The following GALNT13 variants were observed in gnomAD, a reference collection of about 807,000 sequenced individuals.
GALNT13 encodes polypeptide N-acetylgalactosaminyltransferase 13.
Under a neutral mutation model 64.2 loss-of-function variants are expected in GALNT13, and 28 were observed. That is an observed-to-expected ratio of 0.44 (90% CI 0.32 to 0.60). GALNT13 has a LOEUF of 0.60. GALNT13 is among the 20% of genes least tolerant of loss of function. The probability of loss-of-function intolerance (pLI) is 0.05; values close to 1 mark genes in which losing one functional copy is unlikely to be tolerated. For synonymous variants in GALNT13, 214 were observed against 224.6 expected, an observed-to-expected ratio of 0.95 and a Z score of 0.42; for missense variants, 577 against 669.8, an observed-to-expected ratio of 0.86 and a Z score of 1.53.
At chr2:154,438,937 C>T (rs1005556427) in intron 12 of GALNT13, among the ~76,000 whole-genome samples, 2 of 151,964 alleles carry the variant, frequency 1.3e-5, no homozygotes, top group East Asian at 3.9e-4. Flanking sequence ...TGAATGAGGA[C>T]AATAAAATCA....
chr2:153,382,100 AT>A, the GALNT13 span, among the ~76,000 whole-genome samples: 1 of 152,148 alleles, frequency 6.6e-6, no homozygotes, highest in African/African-American at 2.4e-5. Context: ...TCTCAGCATG[AT>A]TAATGAAGAA....
intron 3 of GALNT13, among the ~76,000 whole-genome samples, chr2:153,983,066 C>G (rs1162623140): frequency 6.6e-6 from 1 of 151,778 alleles, no homozygotes; most frequent in East Asian, 1.9e-4. Flanking sequence ...TATCAGAAAA[C>G]TAAAAAGCGA....
the GALNT13 span, among the ~76,000 whole-genome samples, chr2:153,087,735 T>G: frequency 6.6e-6 from 1 of 152,182 alleles, no homozygotes; most frequent in Non-Finnish European, 1.5e-5. Context: ...CCATCTCCTC[T>G]AGATTTTCTA....
chr2:153,919,127 G>A (rs1304052949), intron 2 of GALNT13, among the ~76,000 whole-genome samples: 1 of 151,942 alleles, frequency 6.6e-6, no homozygotes, highest in Non-Finnish European at 1.5e-5. Flanking sequence ...TCCCTTGATA[G>A]CATTGCCCAA....
intron 3 of GALNT13, among the ~76,000 whole-genome samples, chr2:154,133,482 G>T (rs1297941093): frequency 7.4e-6 from 1 of 134,262 alleles, no homozygotes; most frequent in Non-Finnish European, 1.6e-5. Context: ...TATACATATA[G>T]TAATCTCAAC....
At chr2:153,778,620 CAT>C in the GALNT13 span, among the ~76,000 whole-genome samples, 2 of 152,184 alleles carry the variant, frequency 1.3e-5, no homozygotes, top group African/African-American at 4.8e-5. Context: ...TCTTATGACT[CAT>C]AATGGAAGAC....
the GALNT13 span, among the ~76,000 whole-genome samples, chr2:153,325,120 T>G: frequency 8.4e-5 from 5 of 59,216 alleles, no homozygotes; most frequent in East Asian, 8.6e-4. Context: ...CTGGGTTTTT[T>G]TTTTTTTTTT....
chr2:153,744,779 C>T, the GALNT13 span, among the ~76,000 whole-genome samples: 1 of 152,098 alleles, frequency 6.6e-6, no homozygotes, highest in African/African-American at 2.4e-5. Context: ...GGAACAGATC[C>T]ACTGGAGTTT....
At chr2:154,091,630 A>G (rs763143897) in intron 3 of GALNT13, among the ~76,000 whole-genome samples, 4 of 151,874 alleles carry the variant, frequency 2.6e-5, no homozygotes, top group Non-Finnish European at 5.9e-5. Flanking sequence ...TATTTATCAA[A>G]TTGTTTATGT....
At chr2:153,788,366 A>G in the GALNT13 span, among the ~76,000 whole-genome samples, 1 of 152,088 alleles carries the variant, frequency 6.6e-6, no homozygotes, top group South Asian at 2.1e-4. Flanking sequence ...CTGAAGGAAA[A>G]ATAAGATCCT....
intron 3 of GALNT13, among the ~76,000 whole-genome samples, chr2:154,093,076 A>G (rs2105444057): frequency 1.3e-5 from 2 of 152,168 alleles, no homozygotes; most frequent in Middle Eastern, 3.4e-3. Flanking sequence ...TTCATGTACC[A>G]TTAAATGAAA....
chr2:153,405,097 A>G, the GALNT13 span, among the ~76,000 whole-genome samples: 33 of 152,298 alleles, frequency 2.2e-4, no homozygotes, highest in African/African-American at 7.7e-4. Flanking sequence ...TAAGACTGGT[A>G]AGTTTCTCCA....
intron 12 of GALNT13, among the ~76,000 whole-genome samples, chr2:154,448,552 A>C (rs1187288879): frequency 1.3e-5 from 2 of 152,194 alleles, no homozygotes; most frequent in Admixed American, 1.3e-4. Context: ...ATAAAGGAGA[A>C]GTATTTAGTT....
chr2:153,459,097 A>T, the GALNT13 span, among the ~76,000 whole-genome samples: 2,002 of 152,282 alleles, frequency 0.013, 50 homozygotes, highest in African/African-American at 0.046. Context: ...GTAAGGTTTC[A>T]TGAAACTCAT....
At chr2:154,165,815 C>T (rs905764783) in intron 4 of GALNT13, among the ~76,000 whole-genome samples, 1 of 152,098 alleles carries the variant, frequency 6.6e-6, no homozygotes, top group Non-Finnish European at 1.5e-5. Context: ...GAAAATTACA[C>T]GAAGAGAAAG....
intron 4 of GALNT13, among the ~76,000 whole-genome samples, chr2:154,207,501 AC>A (rs928222657): frequency 1.3e-5 from 2 of 152,192 alleles, no homozygotes; most frequent in African/African-American, 4.8e-5. Context: ...ATGACTCATT[AC>A]TTACATTGTA....
chr2:153,858,277 C>G, the GALNT13 span, among the ~76,000 whole-genome samples: 3 of 152,030 alleles, frequency 2.0e-5, no homozygotes, highest in Non-Finnish European at 4.4e-5. Context: ...AGCATGGAGG[C>G]CAGTGTGATT....
chr2:154,359,905 A>C (rs1174064585), intron 9 of GALNT13, among the ~76,000 whole-genome samples: 3 of 152,222 alleles, frequency 2.0e-5, no homozygotes, highest in African/African-American at 7.2e-5. Context: ...ATGTAATAGA[A>C]TGCTGTCTAA....
chr2:154,154,170 C>A (rs1329899712), intron 4 of GALNT13, among the ~76,000 whole-genome samples: 2 of 152,058 alleles, frequency 1.3e-5, no homozygotes, highest in Non-Finnish European at 2.9e-5. Context: ...TTATTTAAAC[C>A]TCAGCAAAAA....
Sources: allele counts gnomAD v4.1 joint callset (sites outside exome capture counted in the v4.1 genomes callset), GRCh38; gene constraint gnomAD v4.1.1; transcripts MANE v1.5; gene names NCBI Gene and HGNC (gene_info 2026-07-23, HGNC 2026-07-21).